The following RIPOR2 variants were observed in gnomAD, a reference collection of about 807,000 sequenced individuals.
RIPOR2 encodes the protein rho family-interacting cell polarization regulator 2.
Under a neutral mutation model 114.5 loss-of-function variants are expected in RIPOR2, and 39 were observed. That is an observed-to-expected ratio of 0.34 (90% CI 0.26 to 0.44). The LOEUF (loss-of-function observed/expected upper bound fraction) is 0.44, where lower values mean the gene tolerates loss of function less well. Among genes scored for constraint, RIPOR2 ranks in the 20% least tolerant of loss-of-function variants. The pLI is 1.00. For missense variants in RIPOR2, 1,007 were observed against 1,255.1 expected, an observed-to-expected ratio of 0.80 and a Z score of 2.99; for synonymous variants, 445 against 484.4, an observed-to-expected ratio of 0.92 and a Z score of 1.07.
At chr6:24,968,343 G>A (rs1773627552) in intron 1 of RIPOR2, among the ~76,000 whole-genome samples, 1 of 152,178 alleles carries the variant, frequency 6.6e-6, no homozygotes, top group African/African-American at 2.4e-5. Flanking sequence ...AGAGGTCAGA[G>A]AGGACCCCTC....
At chr6:24,976,442 C>T in intron 1 of RIPOR2, 5 of 1,564,972 alleles carry the variant, frequency 3.2e-6, no homozygotes, top group East Asian at 2.2e-5. Context: ...CCATGTTCTT[C>T]GACATTGCCG....
chr6:25,022,111 C>T (rs1581966336), intron 1 of RIPOR2, among the ~76,000 whole-genome samples: 1 of 152,206 alleles, frequency 6.6e-6, no homozygotes, highest in Non-Finnish European at 1.5e-5. Context: ...TAAAATTAGC[C>T]CTTTTTAGTG....
rs1357262888 is a variant in RIPOR2 at position 24,883,365 on chromosome 6, G to A, written c.62-7548C>T. On this transcript the variant is annotated intron_variant, in intron 1 of 21. Transcript: ENST00000643898. The surrounding 1 kb of genome is among the most constrained non-coding windows in gnomAD (Gnocchi z 4.1). ...ACTGAGACCAACCCCTCTGAGACAA[G>A]ACAATTGACCCATAGATCAGTTGGC... 1.3e-5 allele frequency among the ~76,000 whole-genome samples: 2 copies of A among 152,180 alleles called. No individual in the cohort carries two copies. Among genetic ancestry groups the A allele is most frequent in the Admixed American group, 1.3e-4 (2 of 15,274 alleles).
chr6:25,035,395 T>G (rs1023925005), intron 1 of RIPOR2, among the ~76,000 whole-genome samples: 3 of 152,188 alleles, frequency 2.0e-5, no homozygotes, highest in African/African-American at 7.2e-5. Flanking sequence ...TGGTATATCC[T>G]TCTCCACTTC....
chr6:24,851,221 T>C (rs1051465568), intron 9 of RIPOR2, among the ~76,000 whole-genome samples: 4 of 152,144 alleles, frequency 2.6e-5, no homozygotes, highest in African/African-American at 9.7e-5. Flanking sequence ...CAGTAAGTTC[T>C]GCCTGCCTGA....
chr6:24,866,431 G>T (rs1342893860), intron 6 of RIPOR2, among the ~76,000 whole-genome samples: 1 of 152,066 alleles, frequency 6.6e-6, no homozygotes, highest in African/African-American at 2.4e-5. Flanking sequence ...GTAGAGGCCA[G>T]GCATGCTGCT....
intron 1 of RIPOR2, among the ~76,000 whole-genome samples, chr6:24,933,051 C>T (rs1771524782): frequency 6.6e-6 from 1 of 152,138 alleles, no homozygotes; most frequent in Non-Finnish European, 1.5e-5. Context: ...TATACCACAG[C>T]AGGGGCAAGG....
At chr6:25,024,325 T>C in intron 1 of RIPOR2, 2 of 1,480,892 alleles carry the variant, frequency 1.4e-6, no homozygotes, top group Non-Finnish European at 1.9e-6. Context: ...GCCCCAAGTT[T>C]CAGTGCCTTC....
At chr6:24,820,364 T>A (rs1255105772) in intron 19 of RIPOR2, among the ~76,000 whole-genome samples, 1 of 152,218 alleles carries the variant, frequency 6.6e-6, no homozygotes, top group Admixed American at 6.6e-5. Context: ...CAATTCCATT[T>A]AAAAAAATTG....
rs751979303 is a variant in RIPOR2, at chr6:24,901,636, G to T, written c.62-25819C>A. 5.6e-4 allele frequency among the ~76,000 whole-genome samples: 85 copies of T among 152,260 alleles called. 1 individual carries two copies. The highest frequency in any genetic ancestry group is 7.2e-4 in the Admixed American group (11 of 15,296). ...TTTGCAAAACCAAGTGTCCAACTGA[G>T]GACATTAGTCGTGTTGTAAGAGAAA... On this transcript the variant is annotated intron_variant, in intron 1 of 21. Transcript: ENST00000643898.
Position 24,825,513 on chromosome 6 carries a change from A to G in RIPOR2, c.2666-85T>C, listed in dbSNP as rs549453363. 7 of 935,548 alleles carry G rather than the reference A, an allele frequency of 7.5e-6. No homozygotes were observed. In the African/African-American group the frequency reaches 8.2e-5, roughly 11 times the overall value. 58.0% of individuals were successfully genotyped at this position (935,548 alleles called of 1,614,324 possible). A position where few individuals can be genotyped will look rare whatever the true frequency, so the allele number is the denominator to read the frequency against. On this transcript the variant is annotated intron_variant, in intron 18 of 21. Coordinates refer to ENST00000643898, the MANE Select transcript of RIPOR2 (RefSeq NM_001286445.3). Reference sequence around the variant, plus strand: ...ACAAATATAAATAGAACTCAAGTACATAAGAAAGTATAGTATAGTAACTCC... The same window carrying G: ...ACAAATATAAATAGAACTCAAGTACGTAAGAAAGTATAGTATAGTAACTCC...
At chr6:24,995,329 G>C (rs1014775761) in intron 1 of RIPOR2, among the ~76,000 whole-genome samples, 1 of 152,168 alleles carries the variant, frequency 6.6e-6, no homozygotes, top group Non-Finnish European at 1.5e-5. Flanking sequence ...TGTCTCAAAG[G>C]GTCCATCAGG....
chr6:24,894,641 G>A (rs1023995536), intron 1 of RIPOR2, among the ~76,000 whole-genome samples: 2 of 152,188 alleles, frequency 1.3e-5, no homozygotes, highest in African/African-American at 4.8e-5. Context: ...ACAGTAACTG[G>A]TGTCTCACTA....
intron 1 of RIPOR2, chr6:24,929,328 G>C (rs191539813): frequency 6.6e-6 from 1 of 151,910 alleles, no homozygotes; most frequent in Non-Finnish European, 1.5e-5. Flanking sequence ...TCAGGCTCTT[G>C]ACACGTCCCT....
At chr6:25,024,425 G>A in intron 1 of RIPOR2, 1 of 1,050,130 alleles carries the variant, frequency 9.5e-7, no homozygotes, top group East Asian at 2.4e-5. Flanking sequence ...ACACGAGGAT[G>A]CAGGAGGTGT....
chr6:24,895,024 G>A (rs751619186), intron 1 of RIPOR2, among the ~76,000 whole-genome samples: 4 of 152,058 alleles, frequency 2.6e-5, no homozygotes, highest in Non-Finnish European at 5.9e-5. Context: ...AAACCAGGCC[G>A]TATCTTAGAA....
At chr6:24,830,227 A>T (rs1760556618) in intron 17 of RIPOR2, among the ~76,000 whole-genome samples, 1 of 152,188 alleles carries the variant, frequency 6.6e-6, no homozygotes, top group Non-Finnish European at 1.5e-5. Flanking sequence ...CCGTCTCCCA[A>T]AGTGCTGGGA....
At chr6:24,871,027 T>C in intron 4 of RIPOR2, 138 bp from the exon 5 acceptor site, 1 of 558,006 alleles carries the variant, frequency 1.8e-6, no homozygotes, top group South Asian at 3.0e-5. Flanking sequence ...CTGGATGTTT[T>C]ACTTTAAAAG....
chr6:24,821,339 T>C (rs1002284036), intron 19 of RIPOR2, among the ~76,000 whole-genome samples: 4 of 151,990 alleles, frequency 2.6e-5, no homozygotes, highest in Middle Eastern at 3.4e-3. Flanking sequence ...TGCTCCACCA[T>C]GCCCAGCTAA....
Sources: allele counts gnomAD v4.1 joint callset (sites outside exome capture counted in the v4.1 genomes callset), GRCh38; gene constraint gnomAD v4.1.1; non-coding constraint Gnocchi (gnomAD v3.1); transcripts MANE v1.5; gene names NCBI Gene and HGNC (gene_info 2026-07-23, HGNC 2026-07-21).